The following FAT2 variants were observed in gnomAD, a reference collection of about 807,000 sequenced individuals.
FAT2 encodes the protein protocadherin Fat 2.
A neutral mutation model predicts 295.3 loss-of-function variants in FAT2; 150 were observed. That is an observed-to-expected ratio of 0.51 (90% CI 0.44 to 0.58). The LOEUF is 0.58. Among genes scored for constraint, FAT2 ranks in the 20% least tolerant of loss-of-function variants. The probability of loss-of-function intolerance (pLI) is 0.00; values close to 1 mark genes in which losing one functional copy is unlikely to be tolerated. For synonymous variants in FAT2, 2,026 were observed against 2,150.3 expected, an observed-to-expected ratio of 0.94 and a Z score of 1.60; for missense variants, 4,868 against 5,442.7, an observed-to-expected ratio of 0.89 and a Z score of 3.32.
intron 1 of FAT2, among the ~76,000 whole-genome samples, chr5:151,587,385 C>A (rs948342493): frequency 7.9e-5 from 12 of 152,108 alleles, no homozygotes; most frequent in African/African-American, 2.9e-4. Context: ...ATCTCTCAGA[C>A]CATGTCTCCA....
intron 18 of FAT2, among the ~76,000 whole-genome samples, chr5:151,522,485 GCT>G (rs1413885112): frequency 6.6e-6 from 1 of 152,206 alleles, no homozygotes; most frequent in Non-Finnish European, 1.5e-5. Context: ...CATGCACCCT[GCT>G]CAGCCTACGA....
At chr5:151,519,550 G>A (rs897127016) in intron 19 of FAT2, among the ~76,000 whole-genome samples, 4 of 152,246 alleles carry the variant, frequency 2.6e-5, no homozygotes, top group Middle Eastern at 3.4e-3. Context: ...TGGGTGGCAC[G>A]TGGAAATATG....
Position 151,565,906 on chromosome 5 carries a change from G to T in FAT2, c.3026C>A (p.Ala1009Asp). The part of the protein sequence containing the change: ...LWASDGGRPL[A>D]RRTLCHVEVI... ...CTCCACATGGCAGAGAGTCCTGCGG[G>T]CTAGGGGCCTCCCACCATCACTGGC... The change falls in exon 2 of 24, where the codon GCC becomes GAC. Residue 1009 changes from alanine to aspartate, a missense_variant. Around this residue, in one of 5 missense-constraint regions of FAT2, gnomAD observed 3,297 missense variants for 3,669.4 expected, o/e 0.90. Coordinates refer to ENST00000261800, the MANE Select transcript of FAT2 (RefSeq NM_001447.3). 2 of 1,613,932 alleles carry T rather than the reference G, an allele frequency of 1.2e-6. No homozygotes were observed. The highest frequency in any genetic ancestry group is 2.2e-5 in the East Asian group (1 of 44,880).
intron 2 of FAT2, among the ~76,000 whole-genome samples, 196 bp downstream of exon 2, chr5:151,565,477 A>G (rs1758210038): frequency 6.6e-6 from 1 of 152,134 alleles, no homozygotes. Context: ...GTATGTGTAT[A>G]TGCACATATA....
intron 12 of FAT2, among the ~76,000 whole-genome samples, chr5:151,537,536 G>T (rs931825543): frequency 1.3e-5 from 2 of 152,108 alleles, no homozygotes; most frequent in Non-Finnish European, 2.9e-5. Flanking sequence ...TTAGCATTCT[G>T]CACTTTTTCT....
In FAT2 at chr5:151,507,307, C is replaced by G; in HGVS notation, c.12364G>C (p.Ala4122Pro). The G allele has an allele frequency of 6.2e-7, 1 of 1,614,178 alleles. No homozygotes were observed. The highest frequency in any genetic ancestry group is 8.5e-7 in the Non-Finnish European group (1 of 1,180,038). Residue 4122 changes from alanine (A) to proline (P), a missense_variant, in exon 23 of 24, where the codon GCC (alanine) becomes CCC (proline). By Grantham distance (27) the Ala-to-Pro change is conservative. Coordinates refer to ENST00000261800, the MANE Select transcript of FAT2 (RefSeq NM_001447.3). The part of the protein sequence containing the change: ...NNLNQPEPSK[A>P]SVPNELVTFG... ...GTGACGAGTTCATTTGGAACAGAGG[C>G]CTTGCTGGGTTCCGGTTGGTTGAGG...
intron 5 of FAT2, among the ~76,000 whole-genome samples, chr5:151,553,950 C>A (rs1757458830): frequency 6.6e-6 from 1 of 152,174 alleles, no homozygotes; most frequent in Admixed American, 6.5e-5. Flanking sequence ...ATGTAAGCAC[C>A]CATGCGCTAG....
chr5:151,540,735 G>T lies in FAT2; in HGVS notation c.8871C>A (p.Ile2957=). 3 of 1,614,062 alleles carry T rather than the reference G, an allele frequency of 1.9e-6. No individual in the cohort carries two copies. The highest frequency in any genetic ancestry group is 2.5e-6 in the Non-Finnish European group (3 of 1,179,990). Residue 2957 remains isoleucine (I), a synonymous_variant, in exon 11 of 24, where the codon ATC becomes ATA. Transcript: ENST00000261800. ...TCCTCCACTCATCTCCAACTTGGCT[G>T]ATGCCAAACTGGCCCAGGGGGTCTC... ...TEGDPLGQFG[I]SQVGDEWRIS... is the part of the protein sequence containing the mutation.
At chr5:151,547,634 G>A (rs951342732) in intron 9 of FAT2, among the ~76,000 whole-genome samples, 4 of 152,142 alleles carry the variant, frequency 2.6e-5, no homozygotes, top group African/African-American at 4.8e-5. Context: ...TCATATAACC[G>A]CTAAATTCAG....
Position 151,534,454 on chromosome 5 carries a change from C to T in FAT2, c.9382G>A (p.Val3128Met), listed in dbSNP as rs1194417406. ...AATACTACAGCCACAGGGGTCTTCA[C>T]TGTGGTGTTGTCGAAGACAGCCACA... ...CAVAVFDNTT[V>M]KTPVAVVFAR... The change falls in exon 13 of 24, where the codon GTG (valine) becomes ATG (methionine). Residue 3128 changes from valine (V) to methionine (M), a missense_variant. This residue lies in a region of FAT2 where 1,046 missense variants were observed against 1,210.1 expected (regional missense o/e 0.86). Transcript: ENST00000261800. 2 of 1,613,702 alleles carry T rather than the reference C, an allele frequency of 1.2e-6. No individual in the cohort carries two copies. The highest frequency in any genetic ancestry group is 1.7e-6 in the Non-Finnish European group (2 of 1,179,970).
chr5:151,562,847 T>C (rs375655801), intron 3 of FAT2, among the ~76,000 whole-genome samples: 1 of 152,218 alleles, frequency 6.6e-6, no homozygotes, highest in Non-Finnish European at 1.5e-5. Flanking sequence ...GCTCCTGAGA[T>C]GGTTGACAAC....
At chr5:151,554,896 CAG>C (rs921079857) in intron 4 of FAT2, among the ~76,000 whole-genome samples, 2 of 152,256 alleles carry the variant, frequency 1.3e-5, no homozygotes, top group African/African-American at 4.8e-5. Context: ...AAGACAGAGT[CAG>C]AGTCTCTAGA....
rs756449742 is a variant in FAT2, at chr5:151,542,679, G to A, written c.8448C>T (p.Val2816=). ...CCTTGTCAATGGCAGTCACTTGAAT[G>A]ACTGAGGTCCCCACTGGCATATTCT... ...LTENMPVGTS[V]IQVTAIDKDT... Residue 2816 remains valine (V), a synonymous_variant, in exon 10 of 24, where the codon GTC becomes GTT. Coordinates refer to ENST00000261800, the MANE Select transcript of FAT2 (RefSeq NM_001447.3). The A allele has an allele frequency of 9.3e-6, 15 of 1,614,094 alleles. No individual in the cohort carries two copies. Among genetic ancestry groups the A allele is most frequent in the Admixed American group, 1.7e-5 (1 of 60,006 alleles).
chr5:151,590,213 C>T (rs1015179245), intron 1 of FAT2, among the ~76,000 whole-genome samples: 1 of 152,234 alleles, frequency 6.6e-6, no homozygotes, highest in African/African-American at 2.4e-5. Flanking sequence ...ACCTGTGAAG[C>T]AGGGCTGAAG....
At chr5:151,575,325 C>T (rs4416593) in intron 1 of FAT2, among the ~76,000 whole-genome samples, 70,230 of 151,994 alleles carry the variant, frequency 0.46, 16,306 homozygotes, top group Middle Eastern at 0.5. Flanking sequence ...TGTGTTATCT[C>T]ACTTGGTCTT....
chr5:151,581,109 G>T (rs1758939470), intron 1 of FAT2, among the ~76,000 whole-genome samples: 2 of 152,218 alleles, frequency 1.3e-5, no homozygotes, highest in Non-Finnish European at 1.5e-5. Context: ...CTGGAGAGGG[G>T]CTACCTGTGT....
In FAT2 at chr5:151,555,495, C is replaced by T. The variant is rs185256478; in HGVS notation, c.3634-822G>A. Among the ~76,000 whole-genome samples, 360 of 151,432 alleles carry T rather than the reference C, an allele frequency of 2.4e-3. 2 individuals are homozygous for T. Among genetic ancestry groups the T allele is most frequent in the African/African-American group, 8.0e-3 (332 of 41,264 alleles). ...AAGTGCTTCTCCGCCTCAGCCTCCCCGGTAGCTGGGATTACAAGCACCCGC... is the reference window on the plus strand; with the variant it reads ...AAGTGCTTCTCCGCCTCAGCCTCCCTGGTAGCTGGGATTACAAGCACCCGC... On this transcript the variant is annotated intron_variant, in intron 4 of 23. Transcript: ENST00000261800.
chr5:151,521,670 C>G lies in FAT2; in HGVS notation c.10923G>C (p.Glu3641Asp). ...TCCGCCAGTGGTCACTCACCAGCTC[C>G]TCGGGGGTGAGCTGGTAGAAGCCCA... ...MWMGFYQLTP[E>D]ELVSDHWRNL... The change falls in exon 19 of 24, where the codon GAG becomes GAC. Residue 3641 changes from glutamate to aspartate, a missense_variant. By Grantham distance (45) the Glu-to-Asp change is conservative. Transcript: ENST00000261800. The G allele has an allele frequency of 6.2e-7, 1 of 1,614,056 alleles. No individual in the cohort carries two copies. The highest frequency in any genetic ancestry group is 1.3e-5 in the African/African-American group (1 of 75,066).
chr5:151,556,229 T>C (rs758142756), intron 4 of FAT2, 115 bp downstream of exon 4: 13 of 828,982 alleles, frequency 1.6e-5, no homozygotes, highest in South Asian at 1.5e-4. Context: ...AGCTCACGTA[T>C]ATCTTCCTCC....
Sources: allele counts gnomAD v4.1 joint callset (sites outside exome capture counted in the v4.1 genomes callset), GRCh38; gene constraint gnomAD v4.1.1; regional missense constraint gnomAD v4.1.1; transcripts MANE v1.5; gene names NCBI Gene and HGNC (gene_info 2026-07-23, HGNC 2026-07-21).